Variants in PLCB4 observed in about 807,000 individuals in gnomAD.
PLCB4 encodes phospholipase C beta 4, also known as 1-phosphatidylinositol 4,5-bisphosphate phosphodiesterase beta-4.
Under a neutral mutation model 178.8 loss-of-function variants are expected in PLCB4, and 77 were observed. The ratio of observed to expected loss-of-function variants is 0.43; its 90% CI spans 0.36 to 0.52. The LOEUF is 0.52. Among genes scored for constraint, PLCB4 ranks in the 20% least tolerant of loss-of-function variants. The pLI, the probability that PLCB4 is intolerant of heterozygous loss-of-function variation, is 0.00. For synonymous variants in PLCB4, 496 were observed against 490.8 expected, an observed-to-expected ratio of 1.01 and a Z score of -0.14; for missense variants, 1,024 against 1,453.4, an observed-to-expected ratio of 0.70 and a Z score of 4.80.
chr20:9,466,345 T>C (rs2043783058), intron 35 of PLCB4, among the ~76,000 whole-genome samples: 3 of 152,166 alleles, frequency 2.0e-5, no homozygotes, highest in Admixed American at 2.0e-4. Context: ...GAAGAAAACC[T>C]AGGCAATACC....
intron 4 of PLCB4, among the ~76,000 whole-genome samples, chr20:9,315,068 A>G (rs1047045271): frequency 1.1e-4 from 16 of 152,116 alleles, no homozygotes; most frequent in Admixed American, 9.8e-4. Context: ...GATGTGGTGA[A>G]ACCCCGTCTA....
intron 3 of PLCB4, among the ~76,000 whole-genome samples, chr20:9,227,263 T>C (rs1321793920): frequency 6.6e-6 from 1 of 152,110 alleles, no homozygotes. Context: ...GACTGTCTTT[T>C]CATTTTCTTG....
intron 4 of PLCB4, among the ~76,000 whole-genome samples, chr20:9,331,155 A>C (rs2031583606): frequency 6.6e-6 from 1 of 152,140 alleles, no homozygotes; most frequent in Non-Finnish European, 1.5e-5. Flanking sequence ...TCTCAAAACC[A>C]CTGTGGACTG....
At chr20:9,351,800 A>T (rs2034370644) in intron 7 of PLCB4, among the ~76,000 whole-genome samples, 1 of 152,238 alleles carries the variant, frequency 6.6e-6, no homozygotes, top group Non-Finnish European at 1.5e-5. Context: ...ATCTCAGACT[A>T]AGCAGGTATG....
intron 3 of PLCB4, among the ~76,000 whole-genome samples, chr20:9,270,622 CA>C (rs1760656984): frequency 6.6e-6 from 1 of 151,980 alleles, no homozygotes; most frequent in Admixed American, 6.6e-5. Flanking sequence ...TAAAAAATAA[CA>C]TGGATATTAT....
At chr20:9,180,500 C>G (rs1301165409) in intron 2 of PLCB4, among the ~76,000 whole-genome samples, 1 of 152,142 alleles carries the variant, frequency 6.6e-6, no homozygotes, top group African/African-American at 2.4e-5. Flanking sequence ...GAAGTCAGTT[C>G]TTTAGGGCTA....
At chr20:9,310,130 T>A (rs1182749584) in intron 4 of PLCB4, among the ~76,000 whole-genome samples, 2 of 152,170 alleles carry the variant, frequency 1.3e-5, no homozygotes, top group Non-Finnish European at 2.9e-5. Flanking sequence ...CCCACTCCTA[T>A]AAGACTCAGT....
chr20:9,135,873 C>T (rs2092371654), intron 2 of PLCB4, among the ~76,000 whole-genome samples: 1 of 152,002 alleles, frequency 6.6e-6, no homozygotes, highest in Admixed American at 6.6e-5. Flanking sequence ...AATTCATGTC[C>T]CTTTTACTGC....
chr20:9,423,046 A>G (rs2040754043), intron 27 of PLCB4, among the ~76,000 whole-genome samples: 2 of 152,238 alleles, frequency 1.3e-5, no homozygotes, highest in African/African-American at 4.8e-5. Flanking sequence ...TAACTGAATC[A>G]GGTTTCTGCT....
chr20:9,260,900 G>A (rs775110228), intron 3 of PLCB4, among the ~76,000 whole-genome samples: 76 of 152,076 alleles, frequency 5.0e-4, no homozygotes, highest in Non-Finnish European at 9.6e-4. Flanking sequence ...TGCCTTAGAA[G>A]GTAAGAAGCA....
At chr20:9,172,174 A>G (rs1257564111) in intron 2 of PLCB4, among the ~76,000 whole-genome samples, 1 of 152,154 alleles carries the variant, frequency 6.6e-6, no homozygotes, top group East Asian at 1.9e-4. Context: ...ATGACTCCAT[A>G]GAGCAGGTTG....
chr20:9,343,375 T>C (rs952524090), intron 7 of PLCB4, among the ~76,000 whole-genome samples: 3 of 152,216 alleles, frequency 2.0e-5, no homozygotes, highest in Admixed American at 6.5e-5. Context: ...CCATTTTCCC[T>C]TCTGTATTCT....
chr20:9,127,836 C>T (rs1247821137), intron 2 of PLCB4, among the ~76,000 whole-genome samples: 1 of 152,068 alleles, frequency 6.6e-6, no homozygotes, highest in African/African-American at 2.4e-5. Context: ...AGGTGCCTGC[C>T]ACCACACCCG....
chr20:9,188,455 A>G (rs2093356963), intron 2 of PLCB4, among the ~76,000 whole-genome samples: 2 of 152,090 alleles, frequency 1.3e-5, no homozygotes, highest in Non-Finnish European at 1.5e-5. Context: ...GACCACTTCA[A>G]TTTCTTTTCA....
At chr20:9,238,929 G>A (rs903831264) in intron 3 of PLCB4, among the ~76,000 whole-genome samples, 8 of 152,120 alleles carry the variant, frequency 5.3e-5, no homozygotes, top group African/African-American at 7.2e-5. Flanking sequence ...CACTATAGCC[G>A]TTTCTGTTTT....
intron 2 of PLCB4, among the ~76,000 whole-genome samples, chr20:9,113,983 G>C (rs11697740): frequency 1.3e-5 from 2 of 152,058 alleles, no homozygotes; most frequent in South Asian, 2.1e-4. Flanking sequence ...GGAGGCTGAG[G>C]GGGGCGGATC....
At position 9,338,944 on chromosome 20, in the gene PLCB4, T is replaced by C; in HGVS notation, c.276T>C (p.Asp92=). 1 of 1,613,572 alleles carries C rather than the reference T, an allele frequency of 6.2e-7. No homozygotes were observed. ...ALEAVGKSEN[D]LEGRIVCVCS... ...AAGCTGTTGGAAAATCAGAAAATGATCTGGAAGGGCGGATAGTTTGTGTCT... is the reference window on the plus strand; with the variant it reads ...AAGCTGTTGGAAAATCAGAAAATGACCTGGAAGGGCGGATAGTTTGTGTCT... The change falls in exon 7 of 40, where the codon GAT becomes GAC. Residue 92 remains aspartate (D), a synonymous_variant. Coordinates refer to ENST00000378473, the MANE Select transcript of PLCB4 (RefSeq NM_001377142.1).
At chr20:9,166,938 TATAAG>T (rs887730558) in intron 2 of PLCB4, among the ~76,000 whole-genome samples, 115 of 152,294 alleles carry the variant, frequency 7.6e-4, no homozygotes, top group Non-Finnish European at 7.3e-5. Context: ...TAGACTTTCT[TATAAG>T]AGAGAAATTG....
chr20:9,409,996 A>G (rs1264223664), intron 24 of PLCB4, among the ~76,000 whole-genome samples: 7 of 152,046 alleles, frequency 4.6e-5, no homozygotes, highest in Non-Finnish European at 2.9e-5. Flanking sequence ...TTTTCCTTCA[A>G]CTCTTTGCTA....
Sources: gnomAD v4.1 joint callset for allele counts (sites outside exome capture counted in the v4.1 genomes callset) on GRCh38, gnomAD v4.1.1 for gene constraint, MANE v1.5 for transcripts, NCBI Gene and HGNC (gene_info 2026-07-23, HGNC 2026-07-21) for gene names.